RGS19: variants seen among roughly 807,000 people sequenced by gnomAD.
RGS19 encodes the protein G alpha interacting protein.
In RGS19, 9 loss-of-function variants were observed where a neutral mutation model predicts 22.0. The ratio of observed to expected loss-of-function variants is 0.41; its 90% CI spans 0.25 to 0.71. The LOEUF (loss-of-function observed/expected upper bound fraction) is 0.71, where lower values mean the gene tolerates loss of function less well. Among genes scored for constraint, RGS19 ranks in the 30% least tolerant of loss-of-function variants. The pLI, the probability that RGS19 is intolerant of heterozygous loss-of-function variation, is 0.32. For synonymous variants in RGS19, 130 were observed against 127.3 expected, an observed-to-expected ratio of 1.02 and a Z score of -0.14; for missense variants, 256 against 307.1, an observed-to-expected ratio of 0.83 and a Z score of 1.24.
Position 64,075,861 on chromosome 20 carries a change from G to A in RGS19, c.152+664C>T, listed in dbSNP as rs1273807529. On this transcript the variant is annotated intron_variant, in intron 3 of 5. Transcript: ENST00000395042. This position sits in a 1 kb window ranked among gnomAD's most constrained non-coding sequence, Gnocchi z 4.6. Reference sequence around the variant, plus strand: ...CCACCCCACACACTGTATGGGGTCTGTGCCTGTCTTTCTTTCTTTCTTTCT... The same window carrying A: ...CCACCCCACACACTGTATGGGGTCTATGCCTGTCTTTCTTTCTTTCTTTCT... 6.6e-6 allele frequency among the ~76,000 whole-genome samples: 1 copy of A among 150,654 alleles called. No individual in the cohort carries two copies. The highest frequency in any genetic ancestry group is 1.5e-5 in the Non-Finnish European group (1 of 67,670).
chr20:64,073,832 G>T lies in RGS19; in HGVS notation c.*21C>A, dbSNP rs1012209980. ...AGAGTCGGCCGTAGGAGGCGGCGGG[G>T]TCTGTGCTGCTGGGGGCGGCCTAGG... On this transcript the variant is annotated 3_prime_UTR_variant, in exon 6 of 6. Coordinates refer to ENST00000395042, the MANE Select transcript of RGS19 (RefSeq NM_005873.3). 3.1e-6 allele frequency: 5 copies of T among 1,587,706 alleles called. No homozygotes were observed. Among genetic ancestry groups the T allele is most frequent in the South Asian group, 1.1e-5 (1 of 89,658 alleles).
chr20:64,078,570 G>A (rs1008226339), intron 1 of RGS19, among the ~76,000 whole-genome samples: 2 of 152,336 alleles, frequency 1.3e-5, no homozygotes, highest in African/African-American at 4.8e-5. Context: ...GAGGGGACGT[G>A]TTTAGGGGTG....
chr20:64,076,809 C>G, intron 2 of RGS19, 48 bp downstream of exon 2: 3 of 1,574,406 alleles, frequency 1.9e-6, no homozygotes, highest in Non-Finnish European at 2.6e-6. Context: ...CAGCTTGCCC[C>G]ACCCCATCTC....
chr20:64,074,047 G>T lies in RGS19; in HGVS notation c.463-3C>A. The T allele has an allele frequency of 6.2e-7, 1 of 1,610,634 alleles. No homozygotes were observed. Among genetic ancestry groups the T allele is most frequent in the South Asian group, 1.1e-5 (1 of 90,812 alleles). Reference sequence around the variant, plus strand: ...CGCACACGGGAGTCCAGGCTCACCTGCAGGACAAGACACTGAGGTCAGGGG... The same window carrying T: ...CGCACACGGGAGTCCAGGCTCACCTTCAGGACAAGACACTGAGGTCAGGGG... On this transcript the variant is annotated splice_polypyrimidine_tract_variant and splice_region_variant and intron_variant, in intron 5 of 5. Transcript: ENST00000395042.
chr20:64,073,964 C>T lies in RGS19; in HGVS notation c.543G>A (p.Gln181=), dbSNP rs754515733. The T allele has an allele frequency of 6.6e-7, 1 of 1,515,364 alleles. No individual in the cohort carries two copies. The highest frequency in any genetic ancestry group is 1.8e-5 in the Admixed American group (1 of 54,630). The allele number at this position is 1,515,364 out of a possible 1,614,324, so 93.9% of individuals were successfully genotyped here. Residue 181 remains glutamine (Q), a synonymous_variant, in exon 6 of 6, where the codon CAG becomes CAA. Coordinates refer to ENST00000395042, the MANE Select transcript of RGS19 (RefSeq NM_005873.3). Reference sequence around the variant, plus strand: ...GGTGCATGAGCGTGTAGATCTGCAGCTGCGCGTCGTCGAACGTGTGTGCGG... The same window carrying T: ...GGTGCATGAGCGTGTAGATCTGCAGTTGCGCGTCGTCGAACGTGTGTGCGG... ...EPSAHTFDDA[Q]LQIYTLMHRD...
Position 64,073,669 on chromosome 20 carries a change from C to T in RGS19, c.*184G>A. 1 of 578,698 alleles carries T rather than the reference C, an allele frequency of 1.7e-6. No individual in the cohort carries two copies. The highest frequency in any genetic ancestry group is 3.0e-6 in the Non-Finnish European group (1 of 333,522). The allele number at this position is 578,698 out of a possible 1,614,324, so 35.8% of individuals were successfully genotyped here. On this transcript the variant is annotated 3_prime_UTR_variant, in exon 6 of 6. Coordinates refer to ENST00000395042, the MANE Select transcript of RGS19 (RefSeq NM_005873.3). Reference sequence around the variant, plus strand: ...GAGGCCCGCCCTGCACCTGGAGTTCCTGCTTGGCCACGGGTGGGCAGACCC... The same window carrying T: ...GAGGCCCGCCCTGCACCTGGAGTTCTTGCTTGGCCACGGGTGGGCAGACCC...
rs765817738 is a variant in RGS19 at position 64,073,987 on chromosome 20, C to G, written c.520G>C (p.Ala174Pro). Reference protein sequence around the residue: ...GINKKMQEPSAHTFDDAQLQI... With the variant: ...GINKKMQEPSPHTFDDAQLQI... ...AGCTGCGCGTCGTCGAACGTGTGTG[C>G]GGACGGCTCCTGCATCTTCTTGTTG... Residue 174 changes from alanine (A) to proline (P), a missense_variant, in exon 6 of 6, where the codon GCA becomes CCA. Transcript: ENST00000395042. 2 of 1,612,998 alleles carry G rather than the reference C, an allele frequency of 1.2e-6. No homozygotes were observed. Among genetic ancestry groups the G allele is most frequent in the Admixed American group, 1.7e-5 (1 of 59,984 alleles).
chr20:64,073,979 C>T lies in RGS19; in HGVS notation c.528G>A (p.Thr176=), dbSNP rs770796726. ...AGATCTGCAGCTGCGCGTCGTCGAA[C>T]GTGTGTGCGGACGGCTCCTGCATCT... ...NKKMQEPSAH[T]FDDAQLQIYT... Residue 176 remains threonine, a synonymous_variant, in exon 6 of 6, where the codon ACG becomes ACA. Coordinates refer to ENST00000395042, the MANE Select transcript of RGS19 (RefSeq NM_005873.3). 88 of 1,566,092 alleles carry T rather than the reference C, an allele frequency of 5.6e-5. No individual in the cohort carries two copies. Among genetic ancestry groups the T allele is most frequent in the Non-Finnish European group, 3.0e-5 (35 of 1,154,444 alleles).
At position 64,073,860 on chromosome 20, in the gene RGS19, T is replaced by A; in HGVS notation, c.647A>T (p.Glu216Val). Residue 216 changes from glutamate (E) to valine (V), a missense_variant, in exon 6 of 6, where the codon GAG becomes GTG. Physicochemically the swap from Glu to Val is moderately radical, Grantham distance 121. Coordinates refer to ENST00000395042, the MANE Select transcript of RGS19 (RefSeq NM_005873.3). The part of the protein sequence containing the change: ...LLQGPSQSSS[E>V]A The stretch of plus-strand genomic sequence containing the variant: ...TGTGCTGCTGGGGGCGGCCTAGGCC[T>A]CGGAGGAGGACTGTGATGGCCCCTG... 6.2e-7 allele frequency: 1 copy of A among 1,609,598 alleles called. No individual in the cohort carries two copies. The highest frequency in any genetic ancestry group is 8.5e-7 in the Non-Finnish European group (1 of 1,177,506).
intron 1 of RGS19, among the ~76,000 whole-genome samples, chr20:64,077,887 A>G (rs1358058775): frequency 6.6e-6 from 1 of 152,158 alleles, no homozygotes; most frequent in Non-Finnish European, 1.5e-5. Context: ...CAGGGGGGCC[A>G]ATCAGTGCCC....
chr20:64,074,381 G>T lies in RGS19; in HGVS notation c.228-3C>A. Reference sequence around the variant, plus strand: ...CCTCCTCAGGACTTGGCGTGGCACTGTGGGCACGGGGGCCAGGCTATGTCA... The same window carrying T: ...CCTCCTCAGGACTTGGCGTGGCACTTTGGGCACGGGGGCCAGGCTATGTCA... On this transcript the variant is annotated splice_polypyrimidine_tract_variant and splice_region_variant and intron_variant, in intron 4 of 5. Coordinates refer to ENST00000395042, the MANE Select transcript of RGS19 (RefSeq NM_005873.3). The T allele has an allele frequency of 6.2e-7, 1 of 1,603,296 alleles. No individual in the cohort carries two copies.
At chr20:64,074,418 C>G in intron 4 of RGS19, 40 bp from the exon 5 acceptor site, 1 of 1,578,192 alleles carries the variant, frequency 6.3e-7, no homozygotes, top group Non-Finnish European at 8.6e-7. Flanking sequence ...GCCCGAGTCT[C>G]CCGGTCTGGG....
Position 64,076,917 on chromosome 20 carries a change from T to C in RGS19, c.-31A>G, listed in dbSNP as rs1166081002. The C allele has an allele frequency of 6.6e-7, 1 of 1,504,256 alleles. No individual in the cohort carries two copies. The highest frequency in any genetic ancestry group is 1.4e-5 in the African/African-American group (1 of 70,448). 93.2% of individuals were successfully genotyped at this position (1,504,256 alleles called of 1,614,324 possible). A position where few individuals can be genotyped will look rare whatever the true frequency, so the allele number is the denominator to read the frequency against. The stretch of plus-strand genomic sequence containing the variant: ...GGCGGAGGAGGTTGCCCAGGCTCCG[T>C]GGTACCAGCTCTCAGACCCTCACCA... On this transcript the variant is annotated 5_prime_UTR_variant, in exon 2 of 6. Transcript: ENST00000395042.
Position 64,073,905 on chromosome 20 carries a change from G to C in RGS19, c.602C>G (p.Thr201Ser), listed in dbSNP as rs374618298. The C allele has an allele frequency of 6.2e-7, 1 of 1,613,530 alleles. No homozygotes were observed. Among genetic ancestry groups the C allele is most frequent in the Non-Finnish European group, 8.5e-7 (1 of 1,179,850 alleles). ...CCCCTGCAGCAGCAGGGCACGGTAG[G>C]TGGGAGAGCTGAGGAAGCGGGGGTA... ...DSYPRFLSSP[T>S]YRALLLQGPS... Residue 201 changes from threonine (T) to serine (S), a missense_variant, in exon 6 of 6, where the codon ACC becomes AGC. Physicochemically the swap from Thr to Ser is moderately conservative, Grantham distance 58. Coordinates refer to ENST00000395042, the MANE Select transcript of RGS19 (RefSeq NM_005873.3).
intron 3 of RGS19, among the ~76,000 whole-genome samples, chr20:64,076,070 A>G (rs1231186638): frequency 1.3e-5 from 2 of 152,048 alleles, no homozygotes; most frequent in East Asian, 1.9e-4. Context: ...TAGTAGAGAC[A>G]GGGTTTCTGC....
At position 64,075,963 on chromosome 20, in the gene RGS19, C is replaced by A. The variant is rs1325353492; in HGVS notation, c.152+562G>T. Among the ~76,000 whole-genome samples the A allele has an allele frequency of 6.6e-6, 1 of 152,024 alleles. No individual in the cohort carries two copies. The highest frequency in any genetic ancestry group is 1.5e-5 in the Non-Finnish European group (1 of 68,000). The stretch of plus-strand genomic sequence containing the variant: ...ATGACGCGATCTCGGCTCAACGCAA[C>A]CTCCGCCTCCCAGGTTCAAGCCATT... On this transcript the variant is annotated intron_variant, in intron 3 of 5. Coordinates refer to ENST00000395042, the MANE Select transcript of RGS19 (RefSeq NM_005873.3). This position sits in a 1 kb window ranked among gnomAD's most constrained non-coding sequence, Gnocchi z 4.6.
rs2059894770 is a variant in RGS19 at position 64,075,104 on chromosome 20, ATGTG to A, written c.153-567_153-564del. On this transcript the variant is annotated intron_variant, in intron 3 of 5. Transcript: ENST00000395042. This position sits in a 1 kb window ranked among gnomAD's most constrained non-coding sequence, Gnocchi z 4.6. The stretch of plus-strand genomic sequence containing the variant: ...CCTGGGAACAGGGCCACCCATGGGA[ATGTG>A]CCTGGGAACAGGGCCACCCATGGGA... Among the ~76,000 whole-genome samples, 1 of 148,858 alleles carries A rather than the reference ATGTG, an allele frequency of 6.7e-6. No homozygotes were observed. Among genetic ancestry groups the A allele is most frequent in the Non-Finnish European group, 1.5e-5 (1 of 66,854 alleles).
At position 64,073,975 on chromosome 20, in the gene RGS19, C is replaced by T. The variant is rs777540287; in HGVS notation, c.532G>A (p.Asp178Asn). 26 of 1,613,474 alleles carry T rather than the reference C, an allele frequency of 1.6e-5. No homozygotes were observed. The highest frequency in any genetic ancestry group is 8.9e-5 in the East Asian group (4 of 44,862). Residue 178 changes from aspartate to asparagine, a missense_variant, in exon 6 of 6, where the codon GAC (aspartate) becomes AAC (asparagine). Coordinates refer to ENST00000395042, the MANE Select transcript of RGS19 (RefSeq NM_005873.3). Reference sequence around the variant, plus strand: ...GTGTAGATCTGCAGCTGCGCGTCGTCGAACGTGTGTGCGGACGGCTCCTGC... The same window carrying T: ...GTGTAGATCTGCAGCTGCGCGTCGTTGAACGTGTGTGCGGACGGCTCCTGC... ...KMQEPSAHTF[D>N]DAQLQIYTLM...
Position 64,075,271 on chromosome 20 carries a change from G to A in RGS19, c.153-730C>T, listed in dbSNP as rs527769716. On this transcript the variant is annotated intron_variant, in intron 3 of 5. Coordinates refer to ENST00000395042, the MANE Select transcript of RGS19 (RefSeq NM_005873.3). The surrounding 1 kb of genome is among the most constrained non-coding windows in gnomAD (Gnocchi z 4.6). ...GTCTGGCGTGTCAGCAGTGTCTCTCGTCGGCTGACGCAGGTGAGAGCCCCA... is the reference window on the plus strand; with the variant it reads ...GTCTGGCGTGTCAGCAGTGTCTCTCATCGGCTGACGCAGGTGAGAGCCCCA... Among the ~76,000 whole-genome samples the A allele has an allele frequency of 2.0e-5, 3 of 152,324 alleles. No individual in the cohort carries two copies. Among genetic ancestry groups the A allele is most frequent in the East Asian group, 3.9e-4 (2 of 5,178 alleles).
Sources: allele counts gnomAD v4.1 joint callset (sites outside exome capture counted in the v4.1 genomes callset), GRCh38; gene constraint gnomAD v4.1.1; non-coding constraint Gnocchi (gnomAD v3.1); transcripts MANE v1.5; gene names NCBI Gene and HGNC (gene_info 2026-07-23, HGNC 2026-07-21).